The following TCF7L1 variants were observed in gnomAD, a reference collection of about 807,000 sequenced individuals.
TCF7L1 encodes transcription factor 7-like 1.
TCF7L1 carries 18 observed loss-of-function variants against 63.7 expected under a neutral mutation model. The observed-to-expected ratio is 0.28, with a 90% CI of 0.20 to 0.42. TCF7L1 has a LOEUF of 0.42. TCF7L1 is among the 10% of genes least tolerant of loss of function. The pLI, the probability that TCF7L1 is intolerant of heterozygous loss-of-function variation, is 1.00. For synonymous variants in TCF7L1, 355 were observed against 340.9 expected (o/e 1.04, Z -0.46); for missense variants, 654 against 779.3 (o/e 0.84, Z 1.91).
chr2:85,204,963 A>G (rs1156300075), intron 3 of TCF7L1: 1 of 152,078 alleles, frequency 6.6e-6, no homozygotes, highest in Non-Finnish European at 1.5e-5. Flanking sequence ...AAATTGGAAC[A>G]GTACAGAGAA....
intron 3 of TCF7L1, among the ~76,000 whole-genome samples, chr2:85,150,436 G>A (rs905229293): frequency 1.3e-5 from 2 of 152,074 alleles, no homozygotes; most frequent in African/African-American, 4.8e-5. Context: ...ATTTCACCGT[G>A]TTAGACAGGA....
intron 4 of TCF7L1, among the ~76,000 whole-genome samples, chr2:85,289,221 A>AGTGTGTGTGTGTGTGT (rs10701623): frequency 4.1e-5 from 6 of 146,422 alleles, no homozygotes; most frequent in African/African-American, 1.5e-4. Context: ...TTCAGTCTGG[A>AGTGTGTGTGTGTGTGT]GTGTGTGTGT....
intron 3 of TCF7L1, among the ~76,000 whole-genome samples, chr2:85,189,038 A>G (rs1678991188): frequency 6.6e-6 from 1 of 152,202 alleles, no homozygotes; most frequent in Non-Finnish European, 1.5e-5. Context: ...TCCCTTCCAA[A>G]GTAGCCACCT....
chr2:85,194,385 C>T lies in TCF7L1; in HGVS notation c.441+59935C>T, dbSNP rs182750446. On this transcript the variant is annotated intron_variant, in intron 3 of 11. Transcript: ENST00000282111. ...CTCTACTAAAAATACAAAAATTAGC[C>T]GGGTGTGGTGGCGCACGCCTGTAAT... Among the ~76,000 whole-genome samples the T allele has an allele frequency of 7.0e-4, 106 of 152,136 alleles. 1 individual carries two copies. The highest frequency in any genetic ancestry group is 2.4e-3 in the African/African-American group (100 of 41,496).
At chr2:85,190,124 C>A (rs1301313472) in intron 3 of TCF7L1, among the ~76,000 whole-genome samples, 4 of 152,178 alleles carry the variant, frequency 2.6e-5, no homozygotes, top group Non-Finnish European at 5.9e-5. Context: ...TCCCACATAC[C>A]TGAGGCACTC....
intron 3 of TCF7L1, among the ~76,000 whole-genome samples, chr2:85,185,718 C>G (rs1310415459): frequency 6.6e-6 from 1 of 152,082 alleles, no homozygotes; most frequent in Non-Finnish European, 1.5e-5. Flanking sequence ...CAGTCCCTGG[C>G]TTGGGGTTAG....
rs1402238050 is a variant in TCF7L1, at chr2:85,303,690, G to T, written c.659-205G>T. ...TAGAATCCGTGCAGCTAGAGAGGGGGTGCATTAGTCCTGCCTCCCCTGAAT... is the reference window on the plus strand; with the variant it reads ...TAGAATCCGTGCAGCTAGAGAGGGGTTGCATTAGTCCTGCCTCCCCTGAAT... On this transcript the variant is annotated intron_variant, in intron 5 of 11. Coordinates refer to ENST00000282111, the MANE Select transcript of TCF7L1 (RefSeq NM_031283.3). 5 of 452,166 alleles carry T rather than the reference G, an allele frequency of 1.1e-5. No homozygotes were observed. The Admixed American group carries it at 1.6e-4, about 14-fold the overall frequency. The allele number at this position is 452,166 out of a possible 1,614,324, so 28.0% of individuals were successfully genotyped here.
rs549004554 is a variant in TCF7L1, at chr2:85,160,208, C to G, written c.441+25758C>G. Among the ~76,000 whole-genome samples, 4 of 152,296 alleles carry G rather than the reference C, an allele frequency of 2.6e-5. No homozygotes were observed. The East Asian group carries it at 5.8e-4, about 22-fold the overall frequency. On this transcript the variant is annotated intron_variant, in intron 3 of 11. Transcript: ENST00000282111. ...CCCTTTGTAGTCATGCCTCCTTCCC[C>G]CTGGCAGCCACTGCTCTGTTCTCCA...
In TCF7L1 at chr2:85,247,752, T is replaced by G. The variant is rs539754979; in HGVS notation, c.442-35743T>G. Among the ~76,000 whole-genome samples the G allele has an allele frequency of 5.3e-4, 80 of 152,312 alleles. 1 individual carries two copies. In the Middle Eastern group the frequency reaches 0.014, roughly 26 times the overall value. On this transcript the variant is annotated intron_variant, in intron 3 of 11. Coordinates refer to ENST00000282111, the MANE Select transcript of TCF7L1 (RefSeq NM_031283.3). ...GCTGGATTCCATTTCTTTGTGAACA[T>G]GCAAATTAACATCTTCAGTGGCTTC...
intron 4 of TCF7L1, among the ~76,000 whole-genome samples, chr2:85,287,453 AC>A (rs1681590249): frequency 6.6e-6 from 1 of 152,122 alleles, no homozygotes; most frequent in Non-Finnish European, 1.5e-5. Context: ...CGTAGTTCCA[AC>A]TGCCAAACAA....
At chr2:85,217,626 C>T (rs1441560385) in intron 3 of TCF7L1, among the ~76,000 whole-genome samples, 2 of 152,208 alleles carry the variant, frequency 1.3e-5, no homozygotes, top group Admixed American at 6.5e-5. Flanking sequence ...ACATCCTACC[C>T]ACCACTGAGT....
chr2:85,181,961 C>T (rs527304153), intron 3 of TCF7L1, among the ~76,000 whole-genome samples: 18 of 152,246 alleles, frequency 1.2e-4, no homozygotes, highest in African/African-American at 1.9e-4. Flanking sequence ...CAGAACTTTG[C>T]GTAAAACTGA....
intron 3 of TCF7L1, among the ~76,000 whole-genome samples, chr2:85,202,850 T>C (rs1414052597): frequency 6.6e-6 from 1 of 152,210 alleles, no homozygotes; most frequent in Non-Finnish European, 1.5e-5. Context: ...TTCTTTTTTT[T>C]TGAGACAGAG....
At position 85,223,852 on chromosome 2, in the gene TCF7L1, A is replaced by G. The variant is rs1211107234; in HGVS notation, c.442-59643A>G. On this transcript the variant is annotated intron_variant, in intron 3 of 11. Transcript: ENST00000282111. ...TGTGCACAACGTGCAGGTTTGTTAC[A>G]TAGGTATACATGTGCCATATTGGTT... Among the ~76,000 whole-genome samples, 4 of 152,284 alleles carry G rather than the reference A, an allele frequency of 2.6e-5. No homozygotes were observed. The East Asian group carries it at 5.8e-4, about 22-fold the overall frequency.
intron 3 of TCF7L1, among the ~76,000 whole-genome samples, chr2:85,223,574 A>G (rs1346652931): frequency 6.6e-6 from 1 of 152,096 alleles, no homozygotes; most frequent in Admixed American, 6.5e-5. Flanking sequence ...GTGGAGCTGG[A>G]TAGATACTGG....
chr2:85,240,274 C>T (rs1013899910), intron 3 of TCF7L1, among the ~76,000 whole-genome samples: 1 of 152,210 alleles, frequency 6.6e-6, no homozygotes, highest in Non-Finnish European at 1.5e-5. Flanking sequence ...CCCTGCACCT[C>T]CCTCTCTCAC....
At chr2:85,197,467 G>C (rs181176468) in intron 3 of TCF7L1, among the ~76,000 whole-genome samples, 1 of 152,316 alleles carries the variant, frequency 6.6e-6, no homozygotes, top group Admixed American at 6.5e-5. Context: ...AAGGCTCCTT[G>C]TGGGACAGTG....
intron 3 of TCF7L1, among the ~76,000 whole-genome samples, chr2:85,202,647 A>T (rs1185027281): frequency 1.3e-5 from 2 of 152,194 alleles, no homozygotes; most frequent in Non-Finnish European, 2.9e-5. Context: ...TTATCACTCC[A>T]AAAAGGTAGG....
chr2:85,203,649 A>G (rs984717998), intron 3 of TCF7L1, among the ~76,000 whole-genome samples: 3 of 151,976 alleles, frequency 2.0e-5, no homozygotes, highest in Non-Finnish European at 4.4e-5. Flanking sequence ...GGATCACTTG[A>G]GCCCAGGAGG....
Sources: gnomAD v4.1 joint callset for allele counts (sites outside exome capture counted in the v4.1 genomes callset) on GRCh38, gnomAD v4.1.1 for gene constraint, MANE v1.5 for transcripts, NCBI Gene and HGNC (gene_info 2026-07-23, HGNC 2026-07-21) for gene names.